Variants in ABLIM1 observed in about 807,000 individuals in gnomAD.
ABLIM1 encodes the protein actin binding LIM protein 1, also known as actin-binding LIM protein 1.
In ABLIM1, 40 loss-of-function variants were observed where a neutral mutation model predicts 107.0. The ratio of observed to expected loss-of-function variants is 0.37; its 90% CI spans 0.29 to 0.49. The LOEUF is 0.49. Ranked by LOEUF, ABLIM1 falls within the 20% of genes least tolerant of loss-of-function variation. The probability of loss-of-function intolerance (pLI) is 0.97; values close to 1 mark genes in which losing one functional copy is unlikely to be tolerated. For synonymous variants in ABLIM1, 357 were observed against 357.3 expected, an observed-to-expected ratio of 1.00 and a Z score of 0.01; for missense variants, 857 against 1,008.5, an observed-to-expected ratio of 0.85 and a Z score of 2.04.
chr10:114,786,471 A>C, the ABLIM1 span, among the ~76,000 whole-genome samples: 1 of 152,202 alleles, frequency 6.6e-6, no homozygotes, highest in South Asian at 2.1e-4. Flanking sequence ...AGCACCTTCA[A>C]ATTTATTTTT....
intron 2 of ABLIM1, among the ~76,000 whole-genome samples, chr10:114,600,237 T>C (rs958655672): frequency 3.3e-5 from 5 of 152,186 alleles, no homozygotes; most frequent in African/African-American, 1.2e-4. Context: ...GACCTTGATA[T>C]TTCCTCATGG....
At chr10:114,532,222 C>A (rs188069830) in intron 6 of ABLIM1, among the ~76,000 whole-genome samples, 1 of 152,334 alleles carries the variant, frequency 6.6e-6, no homozygotes, top group East Asian at 1.9e-4. Flanking sequence ...AAGGTGCCTG[C>A]AGCTTTGTGT....
chr10:114,508,042 AG>A (rs1297356158), intron 6 of ABLIM1, among the ~76,000 whole-genome samples: 3 of 152,360 alleles, frequency 2.0e-5, no homozygotes, highest in Admixed American at 6.5e-5. Context: ...CTCTTGGGCC[AG>A]GCTTCCATCC....
At chr10:114,475,187 G>C (rs1263997489) in intron 8 of ABLIM1, among the ~76,000 whole-genome samples, 1 of 152,136 alleles carries the variant, frequency 6.6e-6, no homozygotes, top group Non-Finnish European at 1.5e-5. Flanking sequence ...ATCACTCACA[G>C]AACACAGCGC....
chr10:114,577,855 G>A (rs1054085804), intron 2 of ABLIM1, among the ~76,000 whole-genome samples: 5 of 152,102 alleles, frequency 3.3e-5, no homozygotes, highest in African/African-American at 1.2e-4. Flanking sequence ...TGTTCCTAAA[G>A]GCATATGCAA....
intron 1 of ABLIM1, among the ~76,000 whole-genome samples, chr10:114,704,260 A>ATCTC (rs1346726796): frequency 4.0e-5 from 2 of 50,052 alleles, no homozygotes; most frequent in African/African-American, 6.8e-5. Context: ...CTGACACTCT[A>ATCTC]TCTCTCTCTC....
intron 12 of ABLIM1, among the ~76,000 whole-genome samples, chr10:114,456,518 T>C (rs2062849548): frequency 6.6e-6 from 1 of 152,318 alleles, no homozygotes; most frequent in South Asian, 2.1e-4. Context: ...GCTTTTGTTC[T>C]TTCACATAGA....
intron 5 of ABLIM1, among the ~76,000 whole-genome samples, chr10:114,546,847 A>G (rs2067413046): frequency 6.6e-6 from 1 of 151,990 alleles, no homozygotes; most frequent in African/African-American, 2.4e-5. Context: ...GTGGTGCGAT[A>G]ATAGTTCACT....
chr10:114,649,347 A>C (rs2079141225), intron 1 of ABLIM1, among the ~76,000 whole-genome samples: 1 of 151,910 alleles, frequency 6.6e-6, no homozygotes. Context: ...GGCTGCAGTG[A>C]GCCAAGATCA....
intron 1 of ABLIM1, among the ~76,000 whole-genome samples, chr10:114,648,383 C>T (rs1415268696): frequency 1.3e-5 from 2 of 152,132 alleles, no homozygotes; most frequent in African/African-American, 4.8e-5. Context: ...GCTACCGCCT[C>T]GATGAGCCTT....
chr10:114,659,877 T>A (rs2079711367), upstream of ABLIM1, among the ~76,000 whole-genome samples: 1 of 152,148 alleles, frequency 6.6e-6, no homozygotes, highest in South Asian at 2.1e-4. Context: ...TCCTATCCAA[T>A]AGTCGGGTCC....
chr10:114,578,160 G>A (rs753252082), intron 2 of ABLIM1, among the ~76,000 whole-genome samples: 3 of 152,100 alleles, frequency 2.0e-5, no homozygotes, highest in Non-Finnish European at 2.9e-5. Flanking sequence ...TGCGAGGGAT[G>A]ATCAAATTAA....
intron 1 of ABLIM1, among the ~76,000 whole-genome samples, chr10:114,718,007 G>A (rs2081721910): frequency 7.5e-6 from 1 of 133,380 alleles, no homozygotes; most frequent in Admixed American, 7.8e-5. Context: ...AGGAAGGAAG[G>A]AAGGAAGGAA....
At chr10:114,466,430 T>TGTTC (rs1259194290) in intron 11 of ABLIM1, among the ~76,000 whole-genome samples, 1 of 150,672 alleles carries the variant, frequency 6.6e-6, no homozygotes, top group Non-Finnish European at 1.5e-5. Flanking sequence ...TTCATAAGTA[T>TGTTC]GTTCACATAC....
chr10:114,704,707 A>C (rs986980903), intron 1 of ABLIM1, among the ~76,000 whole-genome samples: 1 of 152,136 alleles, frequency 6.6e-6, no homozygotes, highest in South Asian at 2.1e-4. Context: ...GTGGGGTCCA[A>C]GGCCTTTTCT....
At chr10:114,646,225 C>T (rs778712340) in intron 1 of ABLIM1, among the ~76,000 whole-genome samples, 38 of 152,202 alleles carry the variant, frequency 2.5e-4, no homozygotes, top group Admixed American at 3.3e-4. Context: ...TCCTGAATAA[C>T]GTATACTAAG....
chr10:114,653,590 T>C (rs1270028741), intron 1 of ABLIM1, among the ~76,000 whole-genome samples: 2 of 152,208 alleles, frequency 1.3e-5, no homozygotes, highest in Non-Finnish European at 1.5e-5. Context: ...ATGTTTGAGA[T>C]ATAGTAGGCC....
chr10:114,510,783 T>C (rs550067558), intron 6 of ABLIM1, among the ~76,000 whole-genome samples: 4 of 151,914 alleles, frequency 2.6e-5, no homozygotes, highest in Non-Finnish European at 4.4e-5. Flanking sequence ...CTTGAGTAGC[T>C]GGGACTATAG....
At chr10:114,544,158 C>T (rs2067029529) in intron 6 of ABLIM1, among the ~76,000 whole-genome samples, 1 of 152,194 alleles carries the variant, frequency 6.6e-6, no homozygotes, top group Non-Finnish European at 1.5e-5. Flanking sequence ...CAGCCTGGTC[C>T]TTGACAAAGC....
Sources: gnomAD v4.1 joint callset for allele counts (sites outside exome capture counted in the v4.1 genomes callset) on GRCh38, gnomAD v4.1.1 for gene constraint, MANE v1.5 for transcripts, NCBI Gene and HGNC (gene_info 2026-07-23, HGNC 2026-07-21) for gene names.